MMP16: variants seen among roughly 807,000 people sequenced by gnomAD.
The protein encoded by MMP16 is matrix metallopeptidase 16.
MMP16 carries 12 observed loss-of-function variants against 67.8 expected under a neutral mutation model. The observed-to-expected ratio is 0.18, with a 90% confidence interval of 0.11 to 0.29. The LOEUF is 0.29. Among genes scored for constraint, MMP16 ranks in the 10% least tolerant of loss-of-function variants. The pLI is 1.00. For synonymous variants in MMP16, 249 were observed against 255.9 expected, an observed-to-expected ratio of 0.97 and a Z score of 0.26; for missense variants, 475 against 765.7, an observed-to-expected ratio of 0.62 and a Z score of 4.48.
chr8:88,159,223 G>T (rs1012602598), intron 4 of MMP16, among the ~76,000 whole-genome samples: 6 of 152,146 alleles, frequency 3.9e-5, no homozygotes, highest in Admixed American at 3.3e-4. Context: ...GTAGCTTGAG[G>T]GGGATGGCAT....
chr8:88,101,718 T>C (rs1049167727), intron 6 of MMP16, among the ~76,000 whole-genome samples: 1 of 151,916 alleles, frequency 6.6e-6, no homozygotes, highest in African/African-American at 2.4e-5. Flanking sequence ...TGCCCTTTGA[T>C]TGGACAGATT....
chr8:88,072,977 C>T lies in MMP16; in HGVS notation c.1222+1628G>A, dbSNP rs140747472. 3.2e-4 allele frequency among the ~76,000 whole-genome samples: 49 copies of T among 152,192 alleles called. No individual in the cohort carries two copies. In the East Asian group the frequency reaches 9.3e-3, roughly 29 times the overall value. On this transcript the variant is annotated intron_variant, in intron 7 of 9. Coordinates refer to ENST00000286614, the MANE Select transcript of MMP16 (RefSeq NM_005941.5). ...GCAAAGCGAATAAAAGTGAGAAGGC[C>T]CCGAGGCCATAAAGAGCTGTCAGAA...
chr8:88,189,476 G>T (rs1318365111), intron 2 of MMP16, among the ~76,000 whole-genome samples: 1 of 151,726 alleles, frequency 6.6e-6, no homozygotes, highest in Admixed American at 6.6e-5. Context: ...TCACAGTCTA[G>T]TCTCTTCTAC....
At chr8:88,326,095 A>T (rs556344449) in intron 1 of MMP16, among the ~76,000 whole-genome samples, 44 of 152,046 alleles carry the variant, frequency 2.9e-4, no homozygotes, top group Admixed American at 5.2e-4. Context: ...TTCGTTTGAG[A>T]GTTCAGAGGA....
At chr8:88,237,525 GT>G (rs1809961363) in intron 1 of MMP16, among the ~76,000 whole-genome samples, 1 of 151,776 alleles carries the variant, frequency 6.6e-6, no homozygotes. Flanking sequence ...GCGGGTGCCT[GT>G]TAGTCCCAGC....
chr8:88,106,093 T>TA (rs1369477225), intron 6 of MMP16, among the ~76,000 whole-genome samples: 2 of 149,684 alleles, frequency 1.3e-5, no homozygotes, highest in African/African-American at 2.5e-5. Context: ...AGTTACAGAT[T>TA]AAAATCACCT....
intron 2 of MMP16, among the ~76,000 whole-genome samples, chr8:88,187,887 T>A (rs569070790): frequency 1.3e-5 from 2 of 152,322 alleles, no homozygotes; most frequent in East Asian, 3.9e-4. Flanking sequence ...CTTCAGAAAA[T>A]AATTCTTCCC....
chr8:88,225,064 T>A (rs185550859), intron 1 of MMP16, among the ~76,000 whole-genome samples: 11 of 152,060 alleles, frequency 7.2e-5, no homozygotes, highest in Non-Finnish European at 1.3e-4. Context: ...ACCACCTGTT[T>A]AAATATTTGA....
chr8:88,278,144 T>C (rs1017229606), intron 1 of MMP16, among the ~76,000 whole-genome samples: 3 of 152,224 alleles, frequency 2.0e-5, no homozygotes, highest in Non-Finnish European at 4.4e-5. Flanking sequence ...TCCTGGTCTC[T>C]TACTTTATAA....
chr8:88,305,193 AAAG>A (rs1200753805), intron 1 of MMP16, among the ~76,000 whole-genome samples: 1 of 152,240 alleles, frequency 6.6e-6, no homozygotes, highest in African/African-American at 2.4e-5. Flanking sequence ...CAAAAAATAC[AAAG>A]AAGAGCATTA....
intron 8 of MMP16, among the ~76,000 whole-genome samples, chr8:88,054,655 T>C (rs1297186587): frequency 1.3e-5 from 2 of 152,206 alleles, no homozygotes; most frequent in African/African-American, 4.8e-5. Flanking sequence ...CATTTTGCTA[T>C]GGAAAAATAT....
At chr8:88,183,683 G>T (rs1466051296) in intron 3 of MMP16, among the ~76,000 whole-genome samples, 5 of 145,146 alleles carry the variant, frequency 3.4e-5, no homozygotes, top group Non-Finnish European at 7.6e-5. Flanking sequence ...TTTCATAGAT[G>T]CCATTTTTCT....
At chr8:88,230,535 CTTTTT>C (rs3060800) in intron 1 of MMP16, among the ~76,000 whole-genome samples, 3 of 142,498 alleles carry the variant, frequency 2.1e-5, no homozygotes, top group Non-Finnish European at 3.1e-5. Flanking sequence ...GATCAATTTT[CTTTTT>C]TTTTTTTTTT....
intron 2 of MMP16, among the ~76,000 whole-genome samples, chr8:88,196,897 A>G (rs536202759): frequency 6.9e-6 from 1 of 145,484 alleles, no homozygotes; most frequent in East Asian, 2.0e-4. Context: ...CTTCAACTGT[A>G]CACCTACCTC....
At position 88,214,135 on chromosome 8, in the gene MMP16, A is replaced by C. The variant is rs188306412; in HGVS notation, c.133-16829T>G. On this transcript the variant is annotated intron_variant, in intron 1 of 9. Coordinates refer to ENST00000286614, the MANE Select transcript of MMP16 (RefSeq NM_005941.5). ...ATGACTCCTCCATGTATAGCTCAAGATGAACTCTCTCCAGAACTCCAGAAA... is the reference window on the plus strand; with the variant it reads ...ATGACTCCTCCATGTATAGCTCAAGCTGAACTCTCTCCAGAACTCCAGAAA... 1.4e-3 allele frequency among the ~76,000 whole-genome samples: 215 copies of C among 152,278 alleles called. 1 individual carries two copies. Among genetic ancestry groups the C allele is most frequent in the East Asian group, 1.2e-3 (6 of 5,170 alleles).
intron 1 of MMP16, among the ~76,000 whole-genome samples, chr8:88,264,176 G>T (rs539852178): frequency 9.2e-5 from 14 of 151,720 alleles, no homozygotes; most frequent in African/African-American, 3.1e-4. Context: ...AAGAGTGTGC[G>T]TGCACGTGCA....
intron 1 of MMP16, among the ~76,000 whole-genome samples, chr8:88,311,070 C>T (rs1811287156): frequency 6.6e-6 from 1 of 151,986 alleles, no homozygotes; most frequent in Non-Finnish European, 1.5e-5. Flanking sequence ...ATATTGGATA[C>T]TTTAAAAATA....
intron 1 of MMP16, among the ~76,000 whole-genome samples, chr8:88,204,503 AT>A (rs1269478687): frequency 1.3e-5 from 2 of 152,168 alleles, no homozygotes; most frequent in Non-Finnish European, 2.9e-5. Context: ...TCTCAAAAAA[AT>A]GATTAATAAC....
intron 1 of MMP16, among the ~76,000 whole-genome samples, chr8:88,257,567 T>C (rs1810322981): frequency 6.6e-6 from 1 of 152,208 alleles, no homozygotes; most frequent in South Asian, 2.1e-4. Flanking sequence ...ACCTACCATT[T>C]ATGGGGCTTA....
Sources: gnomAD v4.1 joint callset for allele counts (sites outside exome capture counted in the v4.1 genomes callset) on GRCh38, gnomAD v4.1.1 for gene constraint, MANE v1.5 for transcripts, NCBI Gene and HGNC (gene_info 2026-07-23, HGNC 2026-07-21) for gene names.